The following FTO variants were observed in gnomAD, a reference collection of about 807,000 sequenced individuals.
FTO encodes alpha-ketoglutarate-dependent dioxygenase FTO.
Under a neutral mutation model 63.9 loss-of-function variants are expected in FTO, and 47 were observed. The ratio of observed to expected loss-of-function variants is 0.74; its 90% CI spans 0.58 to 0.94. The LOEUF is 0.94. Among genes scored for constraint, FTO ranks in the 40% least tolerant of loss-of-function variants. FTO has a pLI of 0.00. For missense variants in FTO, 562 were observed against 618.1 expected, an observed-to-expected ratio of 0.91 and a Z score of 0.96; for synonymous variants, 207 against 224.4, an observed-to-expected ratio of 0.92 and a Z score of 0.69.
At chr16:53,922,619 G>A (rs1315310960) in intron 7 of FTO, among the ~76,000 whole-genome samples, 3 of 152,292 alleles carry the variant, frequency 2.0e-5, no homozygotes, top group East Asian at 1.9e-4. Flanking sequence ...AAAACACTGT[G>A]GTAACGCATA....
At chr16:53,905,469 A>G (rs573013301) in intron 7 of FTO, among the ~76,000 whole-genome samples, 31 of 152,178 alleles carry the variant, frequency 2.0e-4, no homozygotes, top group Middle Eastern at 3.4e-3. Context: ...TTTGCTTTGA[A>G]TCTACTTCTT....
chr16:54,059,938 A>G (rs1246216273), intron 8 of FTO, among the ~76,000 whole-genome samples: 1 of 151,964 alleles, frequency 6.6e-6, no homozygotes, highest in African/African-American at 2.4e-5. Flanking sequence ...GTGGTGCTTC[A>G]GTACAAAATA....
rs191271163 is a variant in FTO, at chr16:54,078,455, A to G, written c.1365-33307A>G. ...GCACACACACACTTCAAATTAGCACATTTTAGTAACATATCCCTTACTAAA... is the reference window on the plus strand; with the variant it reads ...GCACACACACACTTCAAATTAGCACGTTTTAGTAACATATCCCTTACTAAA... On this transcript the variant is annotated intron_variant, in intron 8 of 8. Transcript: ENST00000471389. Among the ~76,000 whole-genome samples, 412 of 151,316 alleles carry G rather than the reference A, an allele frequency of 2.7e-3. 2 individuals are homozygous for G. The highest frequency in any genetic ancestry group is 9.7e-3 in the African/African-American group (401 of 41,360).
chr16:53,771,990 C>A (rs751189086), intron 1 of FTO, among the ~76,000 whole-genome samples: 8 of 151,980 alleles, frequency 5.3e-5, no homozygotes, highest in Non-Finnish European at 8.8e-5. Flanking sequence ...TGCAGGGTTT[C>A]TTTTTCTTTT....
At chr16:53,859,345 A>G (rs558214541) in intron 4 of FTO, among the ~76,000 whole-genome samples, 26 of 152,146 alleles carry the variant, frequency 1.7e-4, no homozygotes, top group African/African-American at 6.3e-4. Context: ...AAGGATAGCT[A>G]TGGTTTCTGG....
intron 1 of FTO, among the ~76,000 whole-genome samples, chr16:53,712,826 A>G (rs1319054737): frequency 2.0e-5 from 3 of 152,154 alleles, no homozygotes; most frequent in Non-Finnish European, 4.4e-5. Context: ...TATGTGATAT[A>G]TGTGACCCTT....
At chr16:53,769,114 T>C (rs1170614795) in intron 1 of FTO, among the ~76,000 whole-genome samples, 1 of 152,214 alleles carries the variant, frequency 6.6e-6, no homozygotes, top group African/African-American at 2.4e-5. Context: ...CAGAACTGTC[T>C]TGAGTTAGCT....
chr16:53,803,036 A>G (rs1266828634), intron 1 of FTO, among the ~76,000 whole-genome samples: 1 of 152,166 alleles, frequency 6.6e-6, no homozygotes, highest in East Asian at 1.9e-4. Flanking sequence ...AGTTTCAATT[A>G]GTTGATTTTT....
chr16:53,839,947 G>A (rs2079425014), intron 3 of FTO, among the ~76,000 whole-genome samples: 1 of 151,860 alleles, frequency 6.6e-6, no homozygotes, highest in African/African-American at 2.4e-5. Context: ...TGGGATTACA[G>A]GCACGCACCA....
intron 4 of FTO, among the ~76,000 whole-genome samples, chr16:53,856,673 C>A (rs541155683): frequency 1.5e-3 from 223 of 151,880 alleles, no homozygotes; most frequent in African/African-American, 5.2e-3. Context: ...TCACTTGAAC[C>A]CAGGAGGCAG....
At chr16:53,793,100 T>C (rs1472600951) in intron 1 of FTO, among the ~76,000 whole-genome samples, 1 of 152,196 alleles carries the variant, frequency 6.6e-6, no homozygotes, top group African/African-American at 2.4e-5. Flanking sequence ...AAAAGAAGTT[T>C]GAAAAGGGTC....
At chr16:53,852,146 A>G (rs1355893842) in intron 4 of FTO, among the ~76,000 whole-genome samples, 2 of 149,458 alleles carry the variant, frequency 1.3e-5, no homozygotes, top group Admixed American at 1.4e-4. Context: ...TATGGTGGCA[A>G]ACACCCGTGG....
intron 8 of FTO, chr16:53,982,015 GT>G (rs2083556784): frequency 6.6e-6 from 1 of 151,870 alleles, no homozygotes; most frequent in Admixed American, 6.6e-5. Context: ...AGGAGGTGAA[GT>G]TTGCAGTGAG....
intron 8 of FTO, among the ~76,000 whole-genome samples, chr16:54,041,582 G>C (rs2085075993): frequency 6.6e-6 from 1 of 152,106 alleles, no homozygotes; most frequent in South Asian, 2.1e-4. Flanking sequence ...GATTTCCACT[G>C]TTTAGACCGG....
intron 8 of FTO, among the ~76,000 whole-genome samples, chr16:53,997,216 GGAGA>G (rs141176092): frequency 3.3e-5 from 5 of 149,350 alleles, no homozygotes; most frequent in African/African-American, 9.9e-5. Context: ...AAGGAAGGAA[GGAGA>G]GAGAGAGAAA....
At chr16:53,983,925 T>G (rs2083606078) in intron 8 of FTO, among the ~76,000 whole-genome samples, 1 of 152,242 alleles carries the variant, frequency 6.6e-6, no homozygotes, top group Non-Finnish European at 1.5e-5. Context: ...TAAAACACTA[T>G]TTGAAAATGT....
intron 8 of FTO, among the ~76,000 whole-genome samples, chr16:54,092,192 A>G (rs2086401845): frequency 6.6e-6 from 1 of 152,198 alleles, no homozygotes; most frequent in African/African-American, 2.4e-5. Context: ...CTGAGTTGGG[A>G]TGATCACTTG....
intron 8 of FTO, among the ~76,000 whole-genome samples, chr16:54,098,914 G>A (rs1434201489): frequency 1.3e-5 from 2 of 152,148 alleles, no homozygotes; most frequent in Admixed American, 6.5e-5. Context: ...ATGTTGTAGT[G>A]CGTTTAAAAA....
chr16:53,940,379 G>A (rs2082499217), intron 8 of FTO, among the ~76,000 whole-genome samples: 1 of 152,182 alleles, frequency 6.6e-6, no homozygotes, highest in South Asian at 2.1e-4. Context: ...GCTTGTAGAA[G>A]AGGTGAGGTT....
Sources: allele counts gnomAD v4.1 joint callset (sites outside exome capture counted in the v4.1 genomes callset), GRCh38; gene constraint gnomAD v4.1.1; transcripts MANE v1.5; gene names NCBI Gene and HGNC (gene_info 2026-07-23, HGNC 2026-07-21).